RANBP17: variants seen among roughly 807,000 people sequenced by gnomAD.
The protein encoded by RANBP17 is ran-binding protein 17.
RANBP17 carries 158 observed loss-of-function variants against 141.2 expected under a neutral mutation model. The observed-to-expected ratio is 1.12, with a 90% CI of 0.98 to 1.28. The LOEUF is 1.28. RANBP17 is among the 50% of genes most tolerant of loss of function. The pLI is 0.00. For missense variants in RANBP17, 1,438 were observed against 1,290.7 expected (o/e 1.11, Z -1.75); for synonymous variants, 430 against 450.0 (o/e 0.96, Z 0.56).
chr5:171,134,389 T>C (rs1026450188), intron 14 of RANBP17, among the ~76,000 whole-genome samples: 2 of 152,220 alleles, frequency 1.3e-5, no homozygotes, highest in Non-Finnish European at 2.9e-5. Flanking sequence ...TATGGCTAGA[T>C]TGAAGAAATT....
At chr5:170,987,781 G>T (rs1391938324) in intron 14 of RANBP17, among the ~76,000 whole-genome samples, 1 of 151,640 alleles carries the variant, frequency 6.6e-6, no homozygotes, top group Non-Finnish European at 1.5e-5. Flanking sequence ...AGAGCATTAA[G>T]CACTAGACGA....
At chr5:170,958,846 TTAAA>T (rs1039522488) in intron 13 of RANBP17, among the ~76,000 whole-genome samples, 27 of 152,206 alleles carry the variant, frequency 1.8e-4, no homozygotes, top group African/African-American at 6.3e-4. Flanking sequence ...ATAATTCTAA[TTAAA>T]TAAAGACATT....
intron 16 of RANBP17, among the ~76,000 whole-genome samples, chr5:171,180,734 A>C (rs1262370793): frequency 6.6e-6 from 1 of 152,138 alleles, no homozygotes; most frequent in African/African-American, 2.4e-5. Flanking sequence ...AAAATATAAA[A>C]ATTCTTAATC....
chr5:171,105,179 G>A (rs906967929), intron 14 of RANBP17, among the ~76,000 whole-genome samples: 3 of 150,350 alleles, frequency 2.0e-5, no homozygotes, highest in East Asian at 2.0e-4. Flanking sequence ...TCAGGAGATC[G>A]AGACCATCCC....
intron 25 of RANBP17, among the ~76,000 whole-genome samples, chr5:171,287,458 C>A (rs963884172): frequency 1.2e-4 from 18 of 151,586 alleles, no homozygotes; most frequent in African/African-American, 4.4e-4. Context: ...ACATTGCACT[C>A]CAGCCTGGGC....
chr5:170,943,639 A>T (rs1338009637), intron 12 of RANBP17, among the ~76,000 whole-genome samples: 3 of 151,974 alleles, frequency 2.0e-5, no homozygotes, highest in East Asian at 1.9e-4. Context: ...AATGAGATTT[A>T]AAAAAAATTA....
At chr5:171,291,748 GAT>G (rs1768512428) in intron 25 of RANBP17, among the ~76,000 whole-genome samples, 1 of 151,942 alleles carries the variant, frequency 6.6e-6, no homozygotes, top group Non-Finnish European at 1.5e-5. Context: ...AATAATTCTG[GAT>G]ATGGGTTGCC....
At chr5:171,017,457 G>A (rs1780524740) in intron 14 of RANBP17, among the ~76,000 whole-genome samples, 1 of 152,130 alleles carries the variant, frequency 6.6e-6, no homozygotes, top group South Asian at 2.1e-4. Flanking sequence ...TGGCTGGTGT[G>A]TTATGGTATC....
intron 14 of RANBP17, among the ~76,000 whole-genome samples, chr5:171,148,582 G>A (rs576447943): frequency 6.6e-6 from 1 of 151,582 alleles, no homozygotes; most frequent in South Asian, 2.1e-4. Context: ...TGAGGTACTT[G>A]TCTATATATC....
At chr5:170,942,731 T>C (rs13154679) in intron 12 of RANBP17, among the ~76,000 whole-genome samples, 93,013 of 151,998 alleles carry the variant, frequency 0.61, 29,845 homozygotes, top group South Asian at 0.89. Flanking sequence ...GTTTGTTTTG[T>C]TACACTTCAT....
At chr5:171,012,542 C>T (rs1243515422) in intron 14 of RANBP17, among the ~76,000 whole-genome samples, 1 of 152,098 alleles carries the variant, frequency 6.6e-6, no homozygotes, top group African/African-American at 2.4e-5. Flanking sequence ...TCACTCTTTA[C>T]TGAGAAGAAT....
At chr5:170,982,027 A>G (rs1581309046) in intron 14 of RANBP17, among the ~76,000 whole-genome samples, 1 of 152,174 alleles carries the variant, frequency 6.6e-6, no homozygotes, top group South Asian at 2.1e-4. Flanking sequence ...CTTGCAAGAG[A>G]TAGGAAGTTT....
chr5:170,943,254 T>C (rs1487986400), intron 12 of RANBP17, among the ~76,000 whole-genome samples: 1 of 152,196 alleles, frequency 6.6e-6, no homozygotes, highest in African/African-American at 2.4e-5. Flanking sequence ...TATGCTCTTG[T>C]TATGTGTGCT....
At chr5:171,088,695 C>G (rs201739421) in intron 14 of RANBP17, among the ~76,000 whole-genome samples, 12 of 152,164 alleles carry the variant, frequency 7.9e-5, no homozygotes, top group African/African-American at 2.6e-4. Context: ...CTTCCCTTCT[C>G]GCTTGATTTC....
intron 14 of RANBP17, among the ~76,000 whole-genome samples, chr5:171,082,336 G>A (rs988586446): frequency 2.6e-5 from 4 of 152,074 alleles, no homozygotes; most frequent in Non-Finnish European, 5.9e-5. Flanking sequence ...AAGTTTTCAG[G>A]TACATGAGGA....
At chr5:170,979,564 A>G (rs1777618437) in intron 14 of RANBP17, among the ~76,000 whole-genome samples, 1 of 152,140 alleles carries the variant, frequency 6.6e-6, no homozygotes, top group Non-Finnish European at 1.5e-5. Context: ...GGTCTTTCCT[A>G]TGCTGTTCTC....
At chr5:170,965,640 A>G (rs1776499776) in intron 13 of RANBP17, among the ~76,000 whole-genome samples, 1 of 152,124 alleles carries the variant, frequency 6.6e-6, no homozygotes, top group South Asian at 2.1e-4. Context: ...TCCCAGCACC[A>G]TTTATTAAAT....
At chr5:171,190,292 A>G (rs1240017500) in intron 18 of RANBP17, among the ~76,000 whole-genome samples, 1 of 152,160 alleles carries the variant, frequency 6.6e-6, no homozygotes, top group Non-Finnish European at 1.5e-5. Context: ...TATGTGCCCC[A>G]GGTTGTATTT....
At chr5:170,908,814 C>G (rs939775174) in intron 5 of RANBP17, among the ~76,000 whole-genome samples, 1 of 151,770 alleles carries the variant, frequency 6.6e-6, no homozygotes, top group Non-Finnish European at 1.5e-5. Context: ...TATGTTGGAG[C>G]TTAGGAAGTA....
Sources: gnomAD v4.1 joint callset for allele counts (sites outside exome capture counted in the v4.1 genomes callset) on GRCh38, gnomAD v4.1.1 for gene constraint, MANE v1.5 for transcripts, NCBI Gene and HGNC (gene_info 2026-07-23, HGNC 2026-07-21) for gene names.